KLHL4: variants seen among roughly 807,000 people sequenced by gnomAD.
The protein encoded by KLHL4 is kelch-like protein 4.
Under a neutral mutation model 45.8 loss-of-function variants are expected in KLHL4, and 17 were observed. The ratio of observed to expected loss-of-function variants is 0.37; its 90% CI spans 0.25 to 0.56. The LOEUF (loss-of-function observed/expected upper bound fraction) is 0.56, where lower values mean the gene tolerates loss of function less well. KLHL4 is among the 20% of genes least tolerant of loss of function. The pLI, the probability that KLHL4 is intolerant of heterozygous loss-of-function variation, is 0.79. For synonymous variants in KLHL4, 224 were observed against 189.9 expected (o/e 1.18, Z -1.47); for missense variants, 544 against 544.9 (o/e 1.00, Z 0.02).
chrX:87,577,998 A>C (rs1480379657), intron 1 of KLHL4, among the ~76,000 whole-genome samples: 2 of 111,679 alleles, frequency 1.8e-5, no homozygotes, highest in Admixed American at 1.9e-4. Context: ...AAAATCCTAC[A>C]AATATATTCT....
chrX:87,598,654 C>A (rs1236417833), intron 1 of KLHL4, among the ~76,000 whole-genome samples: 1 of 111,403 alleles, frequency 9.0e-6, no homozygotes, highest in Non-Finnish European at 1.9e-5. Context: ...TCAATAAAAT[C>A]TCTAGGCATA....
In KLHL4 at chrX:87,667,101, G is replaced by T; in HGVS notation, c.*567G>T. On this transcript the variant is annotated 3_prime_UTR_variant, in exon 11 of 11. Coordinates refer to ENST00000373119, the MANE Select transcript of KLHL4 (RefSeq NM_019117.5). ...ACTGTGTTGAAGCTAAAAAAATAAT[G>T]GCTCTTTGACAAAACTTGTTATGTT... 2 of 749,809 alleles carry T rather than the reference G, an allele frequency of 2.7e-6. No individual in the cohort carries two copies. Among genetic ancestry groups the T allele is most frequent in the South Asian group, 6.8e-5 (1 of 14,749 alleles). 61.8% of individuals were successfully genotyped at this position (749,809 alleles called of 1,213,427 possible).
Position 87,666,730 on chromosome X carries a change from A to G in KLHL4, c.*196A>G. The G allele has an allele frequency of 1.0e-6, 1 of 959,189 alleles. No individual in the cohort carries two copies. The highest frequency in any genetic ancestry group is 1.3e-6 in the Non-Finnish European group (1 of 763,081). 79.0% of individuals were successfully genotyped at this position (959,189 alleles called of 1,213,427 possible). A position where few individuals can be genotyped will look rare whatever the true frequency, so the allele number is the denominator to read the frequency against. On this transcript the variant is annotated 3_prime_UTR_variant, in exon 11 of 11. Coordinates refer to ENST00000373119, the MANE Select transcript of KLHL4 (RefSeq NM_019117.5). Reference sequence around the variant, plus strand: ...GTTTTTAAACATGAATTACATATGAATTATTAAGCATATGTGCTTTCGCAG... The same window carrying G: ...GTTTTTAAACATGAATTACATATGAGTTATTAAGCATATGTGCTTTCGCAG...
intron 1 of KLHL4, among the ~76,000 whole-genome samples, chrX:87,549,243 C>T (rs1931757024): frequency 1.8e-5 from 2 of 110,733 alleles, no homozygotes; most frequent in African/African-American, 6.5e-5. Context: ...AATATATATG[C>T]ATCCAAGATG....
intron 1 of KLHL4, among the ~76,000 whole-genome samples, chrX:87,557,590 C>T (rs1932004803): frequency 9.5e-6 from 1 of 105,465 alleles, no homozygotes; most frequent in African/African-American, 3.5e-5. Flanking sequence ...ATCTTTAAGT[C>T]ATGCTTACCA....
chrX:87,623,696 C>G (rs187742674), intron 5 of KLHL4, among the ~76,000 whole-genome samples: 6 of 111,103 alleles, frequency 5.4e-5, no homozygotes, highest in Non-Finnish European at 1.1e-4. Context: ...CGTTGATTAC[C>G]CTTCTGGTTA....
At chrX:87,600,210 G>A (rs1173323885) in intron 1 of KLHL4, among the ~76,000 whole-genome samples, 1 of 110,989 alleles carries the variant, frequency 9.0e-6, no homozygotes, top group Non-Finnish European at 1.9e-5. Context: ...AGCACCAGCC[G>A]GGGAGGTGGC....
At chrX:87,650,523 C>A (rs1190238785) in intron 9 of KLHL4, among the ~76,000 whole-genome samples, 1 of 112,106 alleles carries the variant, frequency 8.9e-6, no homozygotes, top group Non-Finnish European at 1.9e-5. Flanking sequence ...CTCTTTTTAG[C>A]CTAATTGCTC....
intron 1 of KLHL4, among the ~76,000 whole-genome samples, chrX:87,564,898 G>A (rs889393383): frequency 2.7e-5 from 3 of 111,689 alleles, no homozygotes; most frequent in Non-Finnish European, 5.6e-5. Flanking sequence ...ATTCTCCAGG[G>A]AAAACGATGT....
rs1274376086 is a variant in KLHL4, at chrX:87,551,254, T to C, written c.422+32939T>C. Reference sequence around the variant, plus strand: ...GAATCAAATCAATAACTCAACCCCTTTTACAATAGCTGCAAAAAAAAATTA... The same window carrying C: ...GAATCAAATCAATAACTCAACCCCTCTTACAATAGCTGCAAAAAAAAATTA... On this transcript the variant is annotated intron_variant, in intron 1 of 10. Transcript: ENST00000373119. Among the ~76,000 whole-genome samples, 10 of 99,614 alleles carry C rather than the reference T, an allele frequency of 1.0e-4. No homozygotes were observed. The Admixed American group carries it at 1.3e-3, about 13-fold the overall frequency. 86.5% of individuals were successfully genotyped at this position (99,614 alleles called of 115,157 possible). A position where few individuals can be genotyped will look rare whatever the true frequency, so the allele number is the denominator to read the frequency against.
intron 1 of KLHL4, among the ~76,000 whole-genome samples, chrX:87,547,285 T>A (rs769232099): frequency 1.8e-5 from 2 of 110,771 alleles, no homozygotes; most frequent in Admixed American, 1.9e-4. Context: ...TCCCACGAGA[T>A]CTGATTGTTT....
intron 1 of KLHL4, 61 bp downstream of exon 1, chrX:87,518,376 T>A (rs1361027460): frequency 3.3e-6 from 3 of 905,359 alleles, no homozygotes; most frequent in Non-Finnish European, 4.6e-6. Flanking sequence ...CCTCTACAAT[T>A]CATGTTTAGT....
intron 1 of KLHL4, among the ~76,000 whole-genome samples, chrX:87,584,963 A>T (rs1481326286): frequency 1.8e-5 from 2 of 111,144 alleles, no homozygotes; most frequent in Non-Finnish European, 3.8e-5. Flanking sequence ...TAAAGGAAAG[A>T]TACCAAAAGC....
chrX:87,637,519 T>C (rs1923304978), intron 9 of KLHL4, among the ~76,000 whole-genome samples: 3 of 111,350 alleles, frequency 2.7e-5, no homozygotes, highest in Non-Finnish European at 5.7e-5. Flanking sequence ...ATTCAGAAGG[T>C]CAACTATTAA....
intron 1 of KLHL4, among the ~76,000 whole-genome samples, chrX:87,536,686 C>A (rs1400874464): frequency 9.2e-6 from 1 of 108,811 alleles, no homozygotes; most frequent in East Asian, 2.9e-4. Flanking sequence ...TCTAGCATAG[C>A]ATAAAAGTTT....
At chrX:87,533,912 C>A (rs189747178) in intron 1 of KLHL4, among the ~76,000 whole-genome samples, 1 of 109,936 alleles carries the variant, frequency 9.1e-6, no homozygotes, top group Non-Finnish European at 1.9e-5. Flanking sequence ...GGGTATAGTC[C>A]AAGAATAGAG....
At chrX:87,574,551 C>T (rs1003542441) in intron 1 of KLHL4, among the ~76,000 whole-genome samples, 1 of 111,596 alleles carries the variant, frequency 9.0e-6, no homozygotes, top group Non-Finnish European at 1.9e-5. Context: ...ATAGAATTCA[C>T]CTATTTAAAG....
At chrX:87,610,889 C>A (rs1250253793) in intron 1 of KLHL4, among the ~76,000 whole-genome samples, 5 of 110,619 alleles carry the variant, frequency 4.5e-5, no homozygotes, top group African/African-American at 1.3e-4. Context: ...GCCTGGCCAA[C>A]ATGGTGAAAC....
chrX:87,637,225 C>T (rs1923291000), intron 9 of KLHL4, among the ~76,000 whole-genome samples: 1 of 111,328 alleles, frequency 9.0e-6, no homozygotes, highest in African/African-American at 3.3e-5. Context: ...AGATCCAGAA[C>T]AGAAATAGCA....
Sources: gnomAD v4.1 joint callset for allele counts (sites outside exome capture counted in the v4.1 genomes callset) on GRCh38, gnomAD v4.1.1 for gene constraint, MANE v1.5 for transcripts, NCBI Gene and HGNC (gene_info 2026-07-23, HGNC 2026-07-21) for gene names.